Variants in RBFOX1 observed in about 807,000 individuals in gnomAD.
RBFOX1 encodes the protein RNA binding protein fox-1 homolog 1.
RBFOX1 carries 8 observed loss-of-function variants against 57.7 expected under a neutral mutation model. The observed-to-expected ratio is 0.14, with a 90% CI of 0.08 to 0.25. RBFOX1 has a LOEUF of 0.25. RBFOX1 is among the 10% of genes least tolerant of loss of function. The pLI is 1.00. For synonymous variants in RBFOX1, 326 were observed against 222.4 expected, an observed-to-expected ratio of 1.47 and a Z score of -4.15; for missense variants, 611 against 548.5, an observed-to-expected ratio of 1.11 and a Z score of -1.14.
At chr16:6,345,383 G>A (rs2085219706) in intron 2 of RBFOX1, among the ~76,000 whole-genome samples, 1 of 152,216 alleles carries the variant, frequency 6.6e-6, no homozygotes, top group Non-Finnish European at 1.5e-5. Flanking sequence ...AAATTAAGGG[G>A]CAGATGATAC....
intron 3 of RBFOX1, among the ~76,000 whole-genome samples, chr16:6,861,721 T>C (rs1199789839): frequency 6.6e-6 from 1 of 152,104 alleles, no homozygotes; most frequent in Non-Finnish European, 1.5e-5. Context: ...CCCGGAAGTC[T>C]TCAGGATTTA....
At chr16:7,405,512 T>C (rs2148924235) in intron 4 of RBFOX1, among the ~76,000 whole-genome samples, 1 of 152,348 alleles carries the variant, frequency 6.6e-6, no homozygotes, top group Middle Eastern at 3.4e-3. Context: ...TGAGTTATGC[T>C]GACCGGAGCA....
At chr16:5,594,593 G>A (rs866936654) in intron 2 of RBFOX1, among the ~76,000 whole-genome samples, 6 of 152,284 alleles carry the variant, frequency 3.9e-5, no homozygotes, top group Non-Finnish European at 7.4e-5. Context: ...GGGAGAGGAG[G>A]CTTCCAGGTC....
At chr16:5,482,538 C>G (rs1371141380) in intron 2 of RBFOX1, among the ~76,000 whole-genome samples, 3 of 152,210 alleles carry the variant, frequency 2.0e-5, no homozygotes, top group Non-Finnish European at 2.9e-5. Context: ...GCACTTAATG[C>G]AAATCTAATT....
At chr16:6,257,892 G>C (rs542161489) in intron 1 of RBFOX1, among the ~76,000 whole-genome samples, 1 of 152,212 alleles carries the variant, frequency 6.6e-6, no homozygotes, top group Admixed American at 6.5e-5. Flanking sequence ...CATACACATG[G>C]ATGTGTCTTT....
At chr16:5,588,597 G>A (rs554127527) in intron 2 of RBFOX1, among the ~76,000 whole-genome samples, 8 of 152,206 alleles carry the variant, frequency 5.3e-5, no homozygotes, top group South Asian at 2.1e-4. Flanking sequence ...ACCGAGTTAC[G>A]TATTTAAGGG....
rs546469909 is a variant in RBFOX1 at position 6,964,053 on chromosome 16, C to A, written c.-15-88004C>A. On this transcript the variant is annotated intron_variant, in intron 3 of 15. Transcript: ENST00000550418. ...TCTTTTTTCAACATGAAGTCTTGCT[C>A]TGTCACCCAGGCTGGAGTGCAGTGG... is the stretch of plus-strand genomic sequence containing the variant. Among the ~76,000 whole-genome samples the A allele has an allele frequency of 5.3e-5, 8 of 151,992 alleles. No homozygotes were observed. The South Asian group carries it at 1.2e-3, about 24-fold the overall frequency.
rs540484170 is a variant in RBFOX1, at chr16:7,607,253, T to C, written c.623-32T>C. On this transcript the variant is annotated intron_variant, in intron 9 of 15. Coordinates refer to ENST00000550418, the MANE Select transcript of RBFOX1 (RefSeq NM_018723.4). The stretch of plus-strand genomic sequence containing the variant: ...ATTATATAAGATGTTGAATCAAATG[T>C]GATAATAATGTTTTTGTGTATTTGT... The C allele has an allele frequency of 1.3e-5, 20 of 1,585,188 alleles. No individual in the cohort carries two copies. The South Asian group carries it at 2.1e-4, about 16-fold the overall frequency.
In RBFOX1 at chr16:6,822,619, T is replaced by C. The variant is rs1334728597; in HGVS notation, c.-16+167969T>C. ...CCATCACAATCTAAGTTATGGCAGA[T>C]GAAGCTGCTCATAAGGTATGAGGTT... On this transcript the variant is annotated intron_variant, in intron 3 of 15. Transcript: ENST00000550418. 2.0e-5 allele frequency among the ~76,000 whole-genome samples: 3 copies of C among 152,204 alleles called. No homozygotes were observed. In the East Asian group the frequency reaches 5.8e-4, roughly 29 times the overall value.
intron 10 of RBFOX1, among the ~76,000 whole-genome samples, chr16:7,611,742 C>A (rs2057508875): frequency 6.6e-6 from 1 of 152,068 alleles, no homozygotes; most frequent in African/African-American, 2.4e-5. Flanking sequence ...TTATGACATT[C>A]CTTCTCCCTC....
intron 1 of RBFOX1, among the ~76,000 whole-genome samples, chr16:6,218,623 C>A (rs1005487542): frequency 6.6e-6 from 1 of 152,048 alleles, no homozygotes; most frequent in Admixed American, 6.6e-5. Context: ...TAAAGTCTTT[C>A]TCTTGTTTTT....
intron 2 of RBFOX1, among the ~76,000 whole-genome samples, chr16:5,518,290 G>C (rs1262759923): frequency 6.6e-6 from 1 of 152,122 alleles, no homozygotes; most frequent in Non-Finnish European, 1.5e-5. Flanking sequence ...AGTTAGATGA[G>C]CATGGACAAC....
At chr16:7,315,560 A>G (rs1223797076) in intron 4 of RBFOX1, among the ~76,000 whole-genome samples, 5 of 151,412 alleles carry the variant, frequency 3.3e-5, no homozygotes, top group Non-Finnish European at 5.9e-5. Flanking sequence ...TTAACTGTCC[A>G]GTATGCTTGT....
intron 4 of RBFOX1, among the ~76,000 whole-genome samples, chr16:7,353,667 C>T (rs185474417): frequency 6.6e-6 from 1 of 152,018 alleles, no homozygotes; most frequent in Non-Finnish European, 1.5e-5. Flanking sequence ...TGTGGATGAA[C>T]CTTGAGAATG....
At chr16:6,277,405 C>T (rs1013481512) in intron 1 of RBFOX1, among the ~76,000 whole-genome samples, 12 of 146,424 alleles carry the variant, frequency 8.2e-5, no homozygotes, top group African/African-American at 2.1e-4. Flanking sequence ...AGCATTGAAC[C>T]GTGATCGCAG....
intron 2 of RBFOX1, among the ~76,000 whole-genome samples, chr16:6,358,100 G>C (rs1262024492): frequency 1.3e-5 from 2 of 152,138 alleles, no homozygotes; most frequent in Non-Finnish European, 2.9e-5. Flanking sequence ...AGGCTCTGAG[G>C]CTGCCTGGAT....
At chr16:5,879,344 G>C (rs990085748) in intron 4 of RBFOX1, among the ~76,000 whole-genome samples, 1 of 152,200 alleles carries the variant, frequency 6.6e-6, no homozygotes, top group Non-Finnish European at 1.5e-5. Flanking sequence ...TCCAGATCTT[G>C]CAAATGGGTT....
chr16:7,442,690 A>G (rs952524245), intron 4 of RBFOX1, among the ~76,000 whole-genome samples: 1 of 152,156 alleles, frequency 6.6e-6, no homozygotes, highest in Non-Finnish European at 1.5e-5. Flanking sequence ...AAGTTGGGTC[A>G]TGAATCTTTT....
At chr16:7,563,913 G>A (rs1003336113) in intron 5 of RBFOX1, among the ~76,000 whole-genome samples, 35 of 152,144 alleles carry the variant, frequency 2.3e-4, no homozygotes, top group East Asian at 1.5e-3. Context: ...CTGTACCACC[G>A]GGGCCTGATG....
Sources: allele counts gnomAD v4.1 joint callset (sites outside exome capture counted in the v4.1 genomes callset), GRCh38; gene constraint gnomAD v4.1.1; transcripts MANE v1.5; gene names NCBI Gene and HGNC (gene_info 2026-07-23, HGNC 2026-07-21).